GON4L: variants seen among roughly 807,000 people sequenced by gnomAD.
GON4L encodes GON-4-like protein.
A neutral mutation model predicts 211.8 loss-of-function variants in GON4L; 87 were observed. The ratio of observed to expected loss-of-function variants is 0.41; its 90% CI spans 0.35 to 0.49. The LOEUF (loss-of-function observed/expected upper bound fraction) is 0.49. Among genes scored for constraint, GON4L ranks in the 20% least tolerant of loss-of-function variants. The pLI is 0.15. For synonymous variants in GON4L, 875 were observed against 962.6 expected (o/e 0.91, Z 1.68); for missense variants, 2,155 against 2,659.5 (o/e 0.81, Z 4.17).
chr1:155,848,554 C>T (rs193115428), intron 2 of GON4L, among the ~76,000 whole-genome samples: 1 of 152,310 alleles, frequency 6.6e-6, no homozygotes, highest in Admixed American at 6.5e-5. Flanking sequence ...TACATGTTTG[C>T]AGAATATGTT....
At chr1:155,754,595 T>C (rs991195695) in intron 27 of GON4L, 107 bp from the exon 28 acceptor site, 36 of 675,924 alleles carry the variant, frequency 5.3e-5, no homozygotes, top group Non-Finnish European at 7.5e-5. Context: ...AGTGGCACGA[T>C]GTCAGCTCAC....
chr1:155,748,642 C>T, downstream of GON4L: 3 of 1,613,326 alleles, frequency 1.9e-6, no homozygotes, highest in Non-Finnish European at 2.5e-6. Context: ...TTCCCCTTGG[C>T]TCCAGGCCAG....
At chr1:155,790,674 A>G (rs557347886) in intron 12 of GON4L, among the ~76,000 whole-genome samples, 5 of 151,550 alleles carry the variant, frequency 3.3e-5, no homozygotes, top group South Asian at 2.1e-4. Flanking sequence ...GGCCGGGCAC[A>G]GTGGCTCACG....
chr1:155,814,097 G>A (rs574883075), intron 9 of GON4L, among the ~76,000 whole-genome samples: 2 of 152,164 alleles, frequency 1.3e-5, no homozygotes, highest in Admixed American at 1.3e-4. Flanking sequence ...AGAAGAGAAG[G>A]GTAGGAGAAA....
chr1:155,794,996 C>T, intron 12 of GON4L, 54 bp downstream of exon 12: 1 of 1,014,508 alleles, frequency 9.9e-7, no homozygotes, highest in South Asian at 1.3e-5. Context: ...ACAAAGTAAA[C>T]AAAGACAGCT....
chr1:155,775,471 T>C (rs822028), intron 16 of GON4L, among the ~76,000 whole-genome samples: 138,705 of 148,674 alleles, frequency 0.93, 65,442 homozygotes, highest in East Asian at 1. Flanking sequence ...TTTTTTTTTT[T>C]CGAGACGGAG....
At chr1:155,820,447 G>C (rs1040402434) in intron 6 of GON4L, among the ~76,000 whole-genome samples, 159 bp downstream of exon 6, 3 of 151,988 alleles carry the variant, frequency 2.0e-5, no homozygotes, top group Admixed American at 1.3e-4. Context: ...GATTATCATA[G>C]CTTATGATCA....
intron 12 of GON4L, 41 bp from the exon 13 acceptor site, chr1:155,785,415 A>G: frequency 7.3e-7 from 1 of 1,361,082 alleles, no homozygotes; most frequent in Non-Finnish European, 1.1e-6. Flanking sequence ...TATAAATTAG[A>G]TTTTACAATA....
intron 31 of GON4L, 126 bp downstream of exon 31, chr1:155,751,641 T>C: frequency 1.5e-6 from 1 of 682,290 alleles, no homozygotes. Flanking sequence ...AAGCCTTTCC[T>C]TAGATCAAAC....
chr1:155,827,132 G>T, intron 2 of GON4L, 104 bp from the exon 3 acceptor site: 1 of 838,916 alleles, frequency 1.2e-6, no homozygotes, highest in Non-Finnish European at 2.0e-6. Context: ...ACAACTTCAT[G>T]AATTAAGCAT....
chr1:155,837,765 G>C (rs11264415), intron 2 of GON4L, among the ~76,000 whole-genome samples: 1 of 151,840 alleles, frequency 6.6e-6, no homozygotes, highest in African/African-American at 2.4e-5. Flanking sequence ...GATAAAAGAG[G>C]GTTTTAAAAT....
rs1444518767 is a variant in GON4L, at chr1:155,853,512, G to T, written c.269C>A (p.Pro90Gln). Reference protein sequence around the residue: ...SGMLTQNTNVPILEGVDVAIS... With the variant: ...SGMLTQNTNVQILEGVDVAIS... ...GGCCACATCAACACCTTCTAGAATT[G>T]GTACATTTGTGTTCTGGGTGAGCAT... is the stretch of plus-strand genomic sequence containing the variant. The change falls in exon 2 of 32, where the codon CCA becomes CAA. Residue 90 changes from proline (P) to glutamine (Q), a missense_variant. Pro to Gln is a moderately conservative substitution (Grantham distance 76, BLOSUM62 -1). Coordinates refer to ENST00000368331, the MANE Select transcript of GON4L (RefSeq NM_001282860.2). 9.9e-6 allele frequency: 16 copies of T among 1,614,022 alleles called. No homozygotes were observed. The Admixed American group carries it at 2.7e-4, about 27-fold the overall frequency.
intron 16 of GON4L, among the ~76,000 whole-genome samples, chr1:155,775,547 T>G (rs1293744340): frequency 6.6e-6 from 1 of 151,904 alleles, no homozygotes; most frequent in East Asian, 1.9e-4. Flanking sequence ...CTCCACTTCC[T>G]GGGCTCAAGC....
chr1:155,796,874 A>ATG (rs1270694932), intron 11 of GON4L, among the ~76,000 whole-genome samples: 2 of 152,126 alleles, frequency 1.3e-5, no homozygotes, highest in African/African-American at 2.4e-5. Flanking sequence ...TCTTACTATC[A>ATG]TGTATCCATT....
At chr1:155,850,713 G>C (rs1388266181) in intron 2 of GON4L, among the ~76,000 whole-genome samples, 1 of 152,056 alleles carries the variant, frequency 6.6e-6, no homozygotes, top group Non-Finnish European at 1.5e-5. Context: ...ATAAGAACAA[G>C]TGGACTTAAA....
chr1:155,767,979 G>A (rs1662713691), intron 19 of GON4L, among the ~76,000 whole-genome samples: 1 of 151,964 alleles, frequency 6.6e-6, no homozygotes, highest in Admixed American at 6.6e-5. Context: ...TAGAAGAGAA[G>A]GGGGGAAAAA....
In GON4L at chr1:155,853,623, T is replaced by C. The variant is rs756584650; in HGVS notation, c.158A>G (p.His53Arg). 6.8e-6 allele frequency: 11 copies of C among 1,614,196 alleles called. No individual in the cohort carries two copies. The South Asian group carries it at 1.1e-4, about 16-fold the overall frequency. ...TACTTCGAAGCCAGCTACTCTGCCA[T>C]GACTTGGATCCCAGGATAGTGACAC... ...SSVSLSWDPS[H>R]GRVAGFEVQS... Residue 53 changes from histidine to arginine, a missense_variant, in exon 2 of 32, where the codon CAT (histidine) becomes CGT (arginine). By Grantham distance (29) the His-to-Arg change is conservative. Transcript: ENST00000368331.
intron 13 of GON4L, chr1:155,784,586 T>C (rs1664758658): frequency 5.7e-6 from 1 of 174,686 alleles, no homozygotes; most frequent in South Asian, 1.3e-4. Flanking sequence ...TTCATCATGT[T>C]GGCCAGGCTG....
rs1351931270 is a variant in GON4L, at chr1:155,752,575, C to T, written c.5858G>A (p.Gly1953Glu). The change falls in exon 30 of 32, where the codon GGG (glycine) becomes GAG (glutamate). Residue 1953 changes from glycine to glutamate, a missense_variant. Gly to Glu is a moderately conservative substitution (Grantham distance 98). Transcript: ENST00000368331. ...TTCTCGAGGGGATGGCAAAGTGCTC[C>T]CCACTGCCAATCCTGCTTAGGAGGA... Reference protein sequence around the residue: ...EMPVSAGLAVGSTLPSPREVT... With the variant: ...EMPVSAGLAVESTLPSPREVT... The T allele has an allele frequency of 6.3e-7, 1 of 1,588,762 alleles. No individual in the cohort carries two copies. Among genetic ancestry groups the T allele is most frequent in the Non-Finnish European group, 8.6e-7 (1 of 1,167,324 alleles).
Sources: gnomAD v4.1 joint callset for allele counts (sites outside exome capture counted in the v4.1 genomes callset) on GRCh38, gnomAD v4.1.1 for gene constraint, MANE v1.5 for transcripts, NCBI Gene and HGNC (gene_info 2026-07-23, HGNC 2026-07-21) for gene names.